SCN3A: variants seen among roughly 807,000 people sequenced by gnomAD.
SCN3A encodes sodium voltage-gated channel alpha subunit 3.
Under a neutral mutation model 187.6 loss-of-function variants are expected in SCN3A, and 60 were observed. The ratio of observed to expected loss-of-function variants is 0.32; its 90% CI spans 0.26 to 0.40. The LOEUF is 0.40. Ranked by LOEUF, SCN3A falls within the 10% of genes least tolerant of loss-of-function variation. SCN3A has a pLI of 1.00. For missense variants in SCN3A, 1,601 were observed against 2,428.2 expected (o/e 0.66, Z 7.16); for synonymous variants, 788 against 829.2 (o/e 0.95, Z 0.85).
At chr2:165,112,105 A>T (rs192172691) in intron 21 of SCN3A, among the ~76,000 whole-genome samples, 49 of 152,332 alleles carry the variant, frequency 3.2e-4, no homozygotes, top group African/African-American at 1.1e-3. Flanking sequence ...TATTTGAAGC[A>T]CCTTGTTTTG....
intron 12 of SCN3A, among the ~76,000 whole-genome samples, chr2:165,145,703 C>A (rs1688275969): frequency 6.6e-6 from 1 of 151,648 alleles, no homozygotes; most frequent in Non-Finnish European, 1.5e-5. Context: ...AAGTTTCTTT[C>A]TTTATGAAAA....
chr2:165,139,390 A>G (rs1301428457), intron 14 of SCN3A, 86 bp downstream of exon 14: 3 of 1,581,596 alleles, frequency 1.9e-6, no homozygotes, highest in Admixed American at 3.3e-5. Context: ...TCTGGGTAAC[A>G]GACTTCAGTA....
In SCN3A at chr2:165,094,359, A is replaced by G. The variant is rs1468575613; in HGVS notation, c.4536+15T>C. Reference sequence around the variant, plus strand: ...GCATGGCTTTGGAACATTAAAGGAGACAAGTAATTCTTACTGCTGGGCGAG... The same window carrying G: ...GCATGGCTTTGGAACATTAAAGGAGGCAAGTAATTCTTACTGCTGGGCGAG... On this transcript the variant is annotated intron_variant, in intron 26 of 27. Transcript: ENST00000283254. 7.0e-6 allele frequency: 11 copies of G among 1,577,606 alleles called. No individual in the cohort carries two copies. Among genetic ancestry groups the G allele is most frequent in the East Asian group, 2.2e-5 (1 of 44,674 alleles).
At chr2:165,189,501 C>G (rs2105963922) in intron 1 of SCN3A, among the ~76,000 whole-genome samples, 1 of 152,184 alleles carries the variant, frequency 6.6e-6, no homozygotes, top group Admixed American at 6.5e-5. Flanking sequence ...CTTTGGTTTT[C>G]AAATAAGGAA....
At chr2:165,130,508 T>G (rs1687248967) in intron 16 of SCN3A, 1 of 575,880 alleles carries the variant, frequency 1.7e-6, no homozygotes, top group Admixed American at 3.2e-5. Flanking sequence ...AAAATAAAAA[T>G]AAAACATTTC....
intron 15 of SCN3A, among the ~76,000 whole-genome samples, chr2:165,132,950 C>T (rs1687434871): frequency 6.6e-6 from 1 of 152,162 alleles, no homozygotes; most frequent in African/African-American, 2.4e-5. Context: ...AAACAAACAA[C>T]CCCATCAACA....
chr2:165,093,410 T>C (rs1174904335), intron 26 of SCN3A: 1 of 152,204 alleles, frequency 6.6e-6, no homozygotes, highest in Non-Finnish European at 1.5e-5. Context: ...CAAAAATGCA[T>C]GACTTTAAAC....
At chr2:165,111,291 C>A (rs889472119) in intron 21 of SCN3A, among the ~76,000 whole-genome samples, 1 of 152,110 alleles carries the variant, frequency 6.6e-6, no homozygotes, top group Non-Finnish European at 1.5e-5. Context: ...GCCAAGATCG[C>A]ACCATTGCAC....
chr2:165,122,506 C>G (rs1559201976), intron 18 of SCN3A, among the ~76,000 whole-genome samples: 1 of 152,008 alleles, frequency 6.6e-6, no homozygotes, highest in Non-Finnish European at 1.5e-5. Flanking sequence ...CTCCTACATC[C>G]CTGACTATAT....
At chr2:165,134,372 C>T (rs768018662) in intron 15 of SCN3A, among the ~76,000 whole-genome samples, 5 of 152,120 alleles carry the variant, frequency 3.3e-5, no homozygotes, top group Non-Finnish European at 7.4e-5. Context: ...TTAGCATTTA[C>T]GAAGATAAAT....
chr2:165,115,561 G>C lies in SCN3A; in HGVS notation c.3408C>G (p.Thr1136=), dbSNP rs1686331364. The stretch of plus-strand genomic sequence containing the variant: ...CAACTGTGCTTCCTTCAGATGAGCT[G>C]GTTGCATTTAATTTCTGGAAACAAA... The part of the protein sequence containing the change: ...LEESKEKLNA[T]SSSEGSTVDV... The change falls in exon 19 of 28, where the codon ACC becomes ACG. Residue 1136 remains threonine, a synonymous_variant. Coordinates refer to ENST00000283254, the MANE Select transcript of SCN3A (RefSeq NM_006922.4). 1 of 1,612,992 alleles carries C rather than the reference G, an allele frequency of 6.2e-7. No homozygotes were observed. Among genetic ancestry groups the C allele is most frequent in the Non-Finnish European group, 8.5e-7 (1 of 1,179,612 alleles).
chr2:165,149,750 C>T (rs1321358355), intron 11 of SCN3A, among the ~76,000 whole-genome samples: 2 of 152,158 alleles, frequency 1.3e-5, no homozygotes, highest in Admixed American at 6.5e-5. Flanking sequence ...AACTGTGTTA[C>T]TTTCACAGCC....
At chr2:165,094,522 A>G (rs1368078824) in intron 25 of SCN3A, 44 bp from the exon 26 acceptor site, 1 of 1,265,906 alleles carries the variant, frequency 7.9e-7, no homozygotes, top group African/African-American at 1.5e-5. Context: ...GTGTTCCAAT[A>G]GTACTTTCAC....
rs1410430830 is a variant in SCN3A, at chr2:165,160,054, G to A, written c.1031+2254C>T. Among the ~76,000 whole-genome samples the A allele has an allele frequency of 2.2e-5, 3 of 135,138 alleles. 1 individual carries two copies. The East Asian group carries it at 8.8e-4, about 40-fold the overall frequency. The allele number at this position is 135,138 out of a possible 152,430, so 88.7% of individuals were successfully genotyped here. A position where few individuals can be genotyped will look rare whatever the true frequency, so the allele number is the denominator to read the frequency against. ...TGAGGCAGGAGAATAGCTTGAACCC[G>A]GGAGGCGGAACTTGCAGTGAGCCGA... is the stretch of plus-strand genomic sequence containing the variant. On this transcript the variant is annotated intron_variant, in intron 9 of 27. Transcript: ENST00000283254.
At chr2:165,130,426 A>G (rs997330775) in intron 16 of SCN3A, 130 bp from the exon 17 acceptor site, 3 of 920,268 alleles carry the variant, frequency 3.3e-6, no homozygotes, top group African/African-American at 3.3e-5. Context: ...AACTGATTCA[A>G]TTTCAAATCC....
intron 18 of SCN3A, among the ~76,000 whole-genome samples, chr2:165,122,539 T>C (rs1023406751): frequency 1.7e-4 from 26 of 152,202 alleles, no homozygotes; most frequent in Non-Finnish European, 1.2e-4. Context: ...ATTCCTATCA[T>C]GTTTTAAAAT....
intron 11 of SCN3A, among the ~76,000 whole-genome samples, chr2:165,147,289 G>A (rs13035403): frequency 7.2e-6 from 1 of 138,440 alleles, no homozygotes; most frequent in Non-Finnish European, 1.6e-5. Flanking sequence ...TTTTTGGGGG[G>A]GGGGGGTTGG....
intron 1 of SCN3A, among the ~76,000 whole-genome samples, chr2:165,190,602 T>TTA (rs369530698): frequency 0.036 from 5,249 of 145,630 alleles, 273 homozygotes; most frequent in African/African-American, 0.12. Context: ...ATATATAACT[T>TTA]TATATATATA....
chr2:165,115,013 T>A (rs548108360), intron 19 of SCN3A, among the ~76,000 whole-genome samples: 3 of 152,228 alleles, frequency 2.0e-5, no homozygotes, highest in African/African-American at 7.2e-5. Context: ...AAGATAAACA[T>A]GCCTTCACTA....
Sources: gnomAD v4.1 joint callset for allele counts (sites outside exome capture counted in the v4.1 genomes callset) on GRCh38, gnomAD v4.1.1 for gene constraint, MANE v1.5 for transcripts, NCBI Gene and HGNC (gene_info 2026-07-23, HGNC 2026-07-21) for gene names.